CLMP: variants seen among roughly 807,000 people sequenced by gnomAD.
The protein encoded by CLMP is CXADR-like membrane protein.
CLMP carries 27 observed loss-of-function variants against 45.2 expected under a neutral mutation model. The ratio of observed to expected loss-of-function variants is 0.60; its 90% CI spans 0.44 to 0.82. CLMP has a LOEUF of 0.82. Among genes scored for constraint, CLMP ranks in the 40% least tolerant of loss-of-function variants. The pLI is 0.00. For synonymous variants in CLMP, 167 were observed against 171.4 expected (o/e 0.97, Z 0.20); for missense variants, 403 against 448.4 (o/e 0.90, Z 0.91).
chr11:123,101,956 G>T (rs1268069958), intron 1 of CLMP, among the ~76,000 whole-genome samples: 1 of 152,158 alleles, frequency 6.6e-6, no homozygotes, highest in East Asian at 1.9e-4. Flanking sequence ...GGCCAGAGTG[G>T]GTGGACTGCT....
intron 1 of CLMP, among the ~76,000 whole-genome samples, chr11:123,145,715 T>C (rs1861229799): frequency 6.6e-6 from 1 of 152,142 alleles, no homozygotes; most frequent in Non-Finnish European, 1.5e-5. Flanking sequence ...CTGCTGGCCT[T>C]GGACTCCCAA....
chr11:123,108,780 G>A (rs149034923), intron 1 of CLMP, among the ~76,000 whole-genome samples: 145 of 152,274 alleles, frequency 9.5e-4, no homozygotes, highest in African/African-American at 2.8e-3. Flanking sequence ...TTGGCTGGGC[G>A]CGGTGGCTCA....
intron 1 of CLMP, among the ~76,000 whole-genome samples, chr11:123,107,990 AGTG>A (rs1286481166): frequency 8.2e-6 from 1 of 122,634 alleles, no homozygotes; most frequent in East Asian, 2.8e-4. Context: ...GGAAGACTGC[AGTG>A]AGTAAGGATG....
At chr11:123,192,710 G>A (rs896569330) in intron 1 of CLMP, among the ~76,000 whole-genome samples, 6 of 152,144 alleles carry the variant, frequency 3.9e-5, no homozygotes, top group South Asian at 4.1e-4. Flanking sequence ...GGCAGGTCCA[G>A]GAAACATGGA....
At position 123,070,307 on chromosome 11, in the gene CLMP, C is replaced by T. The variant is rs1184959897; in HGVS notation, c.*3167G>A. 1.3e-5 allele frequency: 2 copies of T among 152,208 alleles called. No homozygotes were observed. The allele number at this position is 152,208 out of a possible 1,614,324, so 9.4% of individuals were successfully genotyped here. ...GGTTTGGAACCAGTAGGGCCTCTAA[C>T]TTAAGCCCAGAACCTGTCAAAGAGA... On this transcript the variant is annotated 3_prime_UTR_variant, in exon 7 of 7. Transcript: ENST00000448775.
intron 5 of CLMP, among the ~76,000 whole-genome samples, chr11:123,078,869 C>G (rs1249870522): frequency 6.6e-6 from 1 of 152,174 alleles, no homozygotes; most frequent in African/African-American, 2.4e-5. Flanking sequence ...TGGTCTCGAT[C>G]TCTTGACCTC....
intron 1 of CLMP, among the ~76,000 whole-genome samples, chr11:123,126,224 G>C (rs1418041452): frequency 1.3e-5 from 2 of 151,998 alleles, no homozygotes; most frequent in African/African-American, 4.8e-5. Flanking sequence ...TTCTCCTACT[G>C]CATGTTAAAT....
rs772553124 is a variant in CLMP at position 123,074,825 on chromosome 11, A to T, written c.698T>A (p.Met233Lys). 3 of 1,613,762 alleles carry T rather than the reference A, an allele frequency of 1.9e-6. No individual in the cohort carries two copies. The African/African-American group carries it at 4.0e-5, about 22-fold the overall frequency. Residue 233 changes from methionine (M) to lysine (K), a missense_variant, in exon 6 of 7, where the codon ATG becomes AAG. Transcript: ENST00000448775. ...TATGCCTGTCACTGCTCCTGCAACCATGCCGATGCTTTGTACATCTATTTT... is the reference window on the plus strand; with the variant it reads ...TATGCCTGTCACTGCTCCTGCAACCTTGCCGATGCTTTGTACATCTATTTT... ...VTVQYVQSIGMVAGAVTGIVA... is the reference protein window; with the variant it reads ...VTVQYVQSIGKVAGAVTGIVA...
intron 1 of CLMP, among the ~76,000 whole-genome samples, chr11:123,189,536 TA>T (rs1170799348): frequency 6.6e-6 from 1 of 152,194 alleles, no homozygotes; most frequent in East Asian, 1.9e-4. Context: ...AGAAATTAAT[TA>T]TACTGTCATA....
chr11:123,075,357 C>G (rs930735995), intron 5 of CLMP, among the ~76,000 whole-genome samples: 4 of 151,980 alleles, frequency 2.6e-5, no homozygotes, highest in African/African-American at 4.8e-5. Flanking sequence ...GAATCACAGA[C>G]TTCGCCAGCA....
chr11:123,160,751 G>A (rs1297570897), intron 1 of CLMP, among the ~76,000 whole-genome samples: 3 of 152,108 alleles, frequency 2.0e-5, no homozygotes, highest in African/African-American at 7.2e-5. Context: ...GCTGAGGTGG[G>A]CGGATCACCT....
At chr11:123,096,873 T>C (rs2135479700) in intron 2 of CLMP, among the ~76,000 whole-genome samples, 1 of 152,196 alleles carries the variant, frequency 6.6e-6, no homozygotes, top group East Asian at 1.9e-4. Context: ...TACAGTGGTG[T>C]GATCTCAGCT....
At position 123,105,941 on chromosome 11, in the gene CLMP, C is replaced by T. The variant is rs548640899; in HGVS notation, c.29-7989G>A. Reference sequence around the variant, plus strand: ...CAGCGATTCTTGTGCCTCAGCCTCCCGAGTAGCTGGGATTACAGGCCCACG... The same window carrying T: ...CAGCGATTCTTGTGCCTCAGCCTCCTGAGTAGCTGGGATTACAGGCCCACG... On this transcript the variant is annotated intron_variant, in intron 1 of 6. Transcript: ENST00000448775. Among the ~76,000 whole-genome samples, 377 of 151,634 alleles carry T rather than the reference C, an allele frequency of 2.5e-3. 4 individuals are homozygous for T. Among genetic ancestry groups the T allele is most frequent in the African/African-American group, 7.6e-3 (313 of 41,394 alleles).
chr11:123,168,955 G>A (rs1467421315), intron 1 of CLMP, among the ~76,000 whole-genome samples: 1 of 152,178 alleles, frequency 6.6e-6, no homozygotes, highest in Non-Finnish European at 1.5e-5. Context: ...GGGCATATGA[G>A]AGGGTAGTGG....
chr11:123,193,885 C>T (rs1359080044), intron 1 of CLMP, among the ~76,000 whole-genome samples: 4 of 152,182 alleles, frequency 2.6e-5, no homozygotes, highest in African/African-American at 9.7e-5. Context: ...CCAGCTCTCC[C>T]GTGGCCTGGT....
At chr11:123,136,560 ATTTTTTTTTTTT>A (rs34074982) in intron 1 of CLMP, among the ~76,000 whole-genome samples, 5 of 85,882 alleles carry the variant, frequency 5.8e-5, no homozygotes, top group Non-Finnish European at 6.3e-5. Flanking sequence ...CTTTTAAGTA[ATTTTTTTTTTTT>A]TTTTTTTTTT....
intron 1 of CLMP, among the ~76,000 whole-genome samples, chr11:123,187,794 G>A (rs1861853824): frequency 6.6e-6 from 1 of 152,106 alleles, no homozygotes; most frequent in Non-Finnish European, 1.5e-5. Context: ...AAGGACATTG[G>A]GAGTCTCAAT....
At chr11:123,142,636 T>TTTA (rs1423579677) in intron 1 of CLMP, among the ~76,000 whole-genome samples, 1 of 122,264 alleles carries the variant, frequency 8.2e-6, no homozygotes, top group Admixed American at 7.8e-5. Flanking sequence ...TTTTTTTTTT[T>TTTA]TTGAGACGGA....
chr11:123,106,670 T>C (rs550857738), intron 1 of CLMP, among the ~76,000 whole-genome samples: 19 of 152,238 alleles, frequency 1.2e-4, no homozygotes, highest in African/African-American at 4.6e-4. Context: ...CATGAAAGTG[T>C]CTAGCACTGG....
Sources: allele counts gnomAD v4.1 joint callset (sites outside exome capture counted in the v4.1 genomes callset), GRCh38; gene constraint gnomAD v4.1.1; transcripts MANE v1.5; gene names NCBI Gene and HGNC (gene_info 2026-07-23, HGNC 2026-07-21).